RIMS1: variants seen among roughly 807,000 people sequenced by gnomAD.
The protein encoded by RIMS1 is regulating synaptic membrane exocytosis 1, also known as regulating synaptic membrane exocytosis protein 1.
RIMS1 carries 83 observed loss-of-function variants against 214.1 expected under a neutral mutation model. The observed-to-expected ratio is 0.39, with a 90% CI of 0.32 to 0.47. RIMS1 has a LOEUF of 0.47. Among genes scored for constraint, RIMS1 ranks in the 20% least tolerant of loss-of-function variants. RIMS1 has a pLI of 0.99. For synonymous variants in RIMS1, 793 were observed against 786.8 expected (o/e 1.01, Z -0.13); for missense variants, 2,050 against 2,161.8 (o/e 0.95, Z 1.03).
chr6:71,890,111 A>G (rs1337746617), intron 1 of RIMS1, among the ~76,000 whole-genome samples: 2 of 152,234 alleles, frequency 1.3e-5, no homozygotes, highest in Non-Finnish European at 2.9e-5. Context: ...TGTAAGTTTC[A>G]TCGGCCTTGA....
At chr6:72,101,930 A>G (rs559002091) in intron 4 of RIMS1, among the ~76,000 whole-genome samples, 4 of 152,008 alleles carry the variant, frequency 2.6e-5, no homozygotes, top group African/African-American at 7.2e-5. Context: ...TGTAATGGGC[A>G]TATGTAATGG....
At position 72,316,884 on chromosome 6, in the gene RIMS1, G is replaced by A. The variant is rs1173192524; in HGVS notation, c.4130+3212G>A. ...GGTGGGCAGCTGCCCCCAGGGGGAG[G>A]CCCTGTGTCCCCCACTGGACAGCCA... is the stretch of plus-strand genomic sequence containing the variant. On this transcript the variant is annotated intron_variant, in intron 28 of 33. Transcript: ENST00000521978. 3.0e-6 allele frequency: 3 copies of A among 1,003,330 alleles called. No homozygotes were observed. The Admixed American group carries it at 5.3e-5, about 18-fold the overall frequency. The allele number at this position is 1,003,330 out of a possible 1,614,324, so 62.2% of individuals were successfully genotyped here. A position where few individuals can be genotyped will look rare whatever the true frequency, so the allele number is the denominator to read the frequency against.
intron 6 of RIMS1, among the ~76,000 whole-genome samples, chr6:72,206,166 G>T (rs866429630): frequency 6.6e-6 from 1 of 151,972 alleles, no homozygotes; most frequent in Admixed American, 6.6e-5. Flanking sequence ...TACCTTTCAT[G>T]CATTCTTAAA....
chr6:72,026,204 T>C (rs1241429588), intron 2 of RIMS1, among the ~76,000 whole-genome samples: 1 of 152,098 alleles, frequency 6.6e-6, no homozygotes, highest in Non-Finnish European at 1.5e-5. Context: ...AACAGCAACA[T>C]TTTATTATTT....
Position 72,399,006 on chromosome 6 carries a change from A to G in RIMS1, c.4772A>G (p.Lys1591Arg). The G allele has an allele frequency of 6.2e-7, 1 of 1,610,848 alleles. No individual in the cohort carries two copies. Among genetic ancestry groups the G allele is most frequent in the Non-Finnish European group, 8.5e-7 (1 of 1,177,652 alleles). ...LLENGACIAK[K>R]KTRIARKTLD... ...GAAAATGGGGCCTGTATAGCCAAGA[A>G]GAAGACAAGAATTGCACGAAAAACC... Residue 1591 changes from lysine to arginine, a missense_variant, in exon 33 of 34, where the codon AAG becomes AGG. Around this residue, in one of 6 missense-constraint regions of RIMS1, gnomAD observed 121 missense variants for 187.3 expected, o/e 0.65. Transcript: ENST00000521978.
chr6:72,009,722 C>A (rs1356667325), intron 2 of RIMS1, among the ~76,000 whole-genome samples: 1 of 152,158 alleles, frequency 6.6e-6, no homozygotes, highest in Non-Finnish European at 1.5e-5. Context: ...ACTAGAAAAT[C>A]TAGAAGAAAT....
rs368821684 is a variant in RIMS1, at chr6:72,329,156, T to C, written c.4131-4444T>C. 8.0e-4 allele frequency among the ~76,000 whole-genome samples: 122 copies of C among 152,074 alleles called. 3 individuals are homozygous for C. The South Asian group carries it at 0.025, about 31-fold the overall frequency. ...CCAGGAAAAGGCATCCTTGGGCTTA[T>C]AGAGCCCATGAAATGCCCTGCTTGG... On this transcript the variant is annotated intron_variant, in intron 28 of 33. Coordinates refer to ENST00000521978, the MANE Select transcript of RIMS1 (RefSeq NM_014989.7).
At chr6:72,340,836 T>G (rs2097054671) in intron 29 of RIMS1, among the ~76,000 whole-genome samples, 1 of 152,056 alleles carries the variant, frequency 6.6e-6, no homozygotes, top group Non-Finnish European at 1.5e-5. Flanking sequence ...GTTGGTAGCT[T>G]GATGGGGATG....
chr6:72,252,965 G>C (rs1318183927), intron 16 of RIMS1, 133 bp downstream of exon 16: 1 of 631,880 alleles, frequency 1.6e-6, no homozygotes, highest in Admixed American at 2.9e-5. Flanking sequence ...TTATTCCATG[G>C]TGACTTACAT....
intron 31 of RIMS1, among the ~76,000 whole-genome samples, chr6:72,394,459 A>G (rs2098750397): frequency 1.3e-5 from 2 of 152,150 alleles, no homozygotes; most frequent in Admixed American, 6.5e-5. Context: ...AGTATGTAGT[A>G]GGGGTAGGAA....
chr6:72,132,496 G>A (rs2040601557), intron 4 of RIMS1, among the ~76,000 whole-genome samples: 1 of 152,090 alleles, frequency 6.6e-6, no homozygotes, highest in Non-Finnish European at 1.5e-5. Context: ...TAATATTATT[G>A]TAGTGTTCTT....
intron 29 of RIMS1, among the ~76,000 whole-genome samples, chr6:72,383,767 T>C (rs746245738): frequency 6.6e-6 from 1 of 152,000 alleles, no homozygotes; most frequent in Non-Finnish European, 1.5e-5. Context: ...TCCAGCCTAG[T>C]GATGGCATAA....
chr6:72,262,860 G>A, intron 19 of RIMS1: 1 of 601,066 alleles, frequency 1.7e-6, no homozygotes, highest in Non-Finnish European at 2.1e-6. Flanking sequence ...GGATTTACTA[G>A]TCTCTAGTAA....
intron 2 of RIMS1, among the ~76,000 whole-genome samples, chr6:72,094,691 C>T (rs1253790763): frequency 1.3e-5 from 2 of 152,090 alleles, no homozygotes; most frequent in African/African-American, 2.4e-5. Context: ...CTACATGACC[C>T]TCAAAGTCTA....
chr6:72,085,954 C>T (rs932572421), intron 2 of RIMS1, among the ~76,000 whole-genome samples: 1 of 152,118 alleles, frequency 6.6e-6, no homozygotes, highest in African/African-American at 2.4e-5. Context: ...AAGCGTGTCC[C>T]TAAATTTTCC....
chr6:72,112,349 G>A (rs1308142923), intron 4 of RIMS1, among the ~76,000 whole-genome samples: 2 of 151,846 alleles, frequency 1.3e-5, no homozygotes, highest in Non-Finnish European at 2.9e-5. Flanking sequence ...AGACAAATCT[G>A]AGCAAGAATA....
At chr6:71,952,991 T>C (rs1328073893) in intron 1 of RIMS1, among the ~76,000 whole-genome samples, 2 of 151,368 alleles carry the variant, frequency 1.3e-5, no homozygotes, top group South Asian at 2.1e-4. Context: ...TTTTTTTTTT[T>C]CATTTTATTT....
At chr6:72,136,628 C>T (rs1011263268) in intron 4 of RIMS1, among the ~76,000 whole-genome samples, 1 of 151,982 alleles carries the variant, frequency 6.6e-6, no homozygotes, top group African/African-American at 2.4e-5. Flanking sequence ...CTTTTACATT[C>T]TCTTTCTAAA....
In RIMS1 at chr6:71,936,736, TG is replaced by T. The variant is rs542347294; in HGVS notation, c.165-32246del. ...CTTTGGGGAATAAAATGCCTTCTGG[TG>T]ACTACTCTTTATCCAGTGCCGCATC... On this transcript the variant is annotated intron_variant, in intron 1 of 33. Transcript: ENST00000521978. 7.9e-5 allele frequency among the ~76,000 whole-genome samples: 12 copies of T among 152,318 alleles called. No homozygotes were observed. The East Asian group carries it at 2.3e-3, about 29-fold the overall frequency.
Sources: gnomAD v4.1 joint callset for allele counts (sites outside exome capture counted in the v4.1 genomes callset) on GRCh38, gnomAD v4.1.1 for gene constraint, gnomAD v4.1.1 regional missense constraint, MANE v1.5 for transcripts, NCBI Gene and HGNC (gene_info 2026-07-23, HGNC 2026-07-21) for gene names.